The following LRRTM4 variants were observed in gnomAD, a reference collection of about 807,000 sequenced individuals.
LRRTM4 encodes leucine-rich repeat transmembrane neuronal protein 4.
LRRTM4 carries 25 observed loss-of-function variants against 47.6 expected under a neutral mutation model. That is an observed-to-expected ratio of 0.53 (90% CI 0.38 to 0.73). The LOEUF is 0.73. Among genes scored for constraint, LRRTM4 ranks in the 30% least tolerant of loss-of-function variants. The pLI, the probability that LRRTM4 is intolerant of heterozygous loss-of-function variation, is 0.00. For synonymous variants in LRRTM4, 311 were observed against 269.5 expected, an observed-to-expected ratio of 1.15 and a Z score of -1.51; for missense variants, 638 against 713.4, an observed-to-expected ratio of 0.89 and a Z score of 1.20.
At chr2:76,769,109 A>G (rs936625785) in intron 3 of LRRTM4, among the ~76,000 whole-genome samples, 5 of 152,174 alleles carry the variant, frequency 3.3e-5, no homozygotes, top group East Asian at 1.9e-4. Context: ...GGGGCTATAA[A>G]GAATGTATTT....
chr2:77,040,960 A>G (rs1679009025), intron 3 of LRRTM4, among the ~76,000 whole-genome samples: 1 of 151,424 alleles, frequency 6.6e-6, no homozygotes, highest in Admixed American at 6.6e-5. Flanking sequence ...TATTGTAGCT[A>G]TTTTGAAATA....
chr2:77,441,393 G>A lies in LRRTM4; in HGVS notation c.1551+76925C>T, dbSNP rs186131640. Among the ~76,000 whole-genome samples, 8 of 152,232 alleles carry A rather than the reference G, an allele frequency of 5.3e-5. No individual in the cohort carries two copies. The East Asian group carries it at 1.2e-3, about 22-fold the overall frequency. ...GGATGCTTACTGTTTTCCAGGTGTC[G>A]TGCCAAGCACTTTAAGTATATTTCC... On this transcript the variant is annotated intron_variant, in intron 3 of 3. Coordinates refer to ENST00000409884, the MANE Select transcript of LRRTM4 (RefSeq NM_001134745.3).
intron 3 of LRRTM4, among the ~76,000 whole-genome samples, chr2:77,105,643 AAAACTT>A: frequency 6.6e-6 from 1 of 152,318 alleles, no homozygotes; most frequent in South Asian, 2.1e-4. Flanking sequence ...CATGTACCCT[AAAACTT>A]AAAGTATAAT....
At chr2:77,027,981 T>TA (rs11368002) in intron 3 of LRRTM4, among the ~76,000 whole-genome samples, 18,574 of 149,516 alleles carry the variant, frequency 0.12, 1,397 homozygotes, top group Admixed American at 0.19. Flanking sequence ...GTTTACAAAT[T>TA]AAAAAAAAAA....
intron 3 of LRRTM4, among the ~76,000 whole-genome samples, chr2:77,020,596 C>G (rs1224497167): frequency 8.3e-6 from 1 of 120,860 alleles, no homozygotes; most frequent in African/African-American, 4.1e-5. Context: ...ATTACACACT[C>G]TCAATGTTTT....
Position 77,219,460 on chromosome 2 carries a change from A to C in LRRTM4, c.1551+298858T>G, listed in dbSNP as rs1034957403. Among the ~76,000 whole-genome samples, 62 of 152,170 alleles carry C rather than the reference A, an allele frequency of 4.1e-4. 1 individual carries two copies. The highest frequency in any genetic ancestry group is 1.5e-3 in the African/African-American group (62 of 41,446). On this transcript the variant is annotated intron_variant, in intron 3 of 3. Transcript: ENST00000409884. ...CACTCCTTCATATCAGGAAACATAC[A>C]GGAAAAAAAACAGAAACACGATTTA...
chr2:77,033,900 A>T (rs1422734931), intron 3 of LRRTM4, among the ~76,000 whole-genome samples: 1 of 151,894 alleles, frequency 6.6e-6, no homozygotes, highest in East Asian at 1.9e-4. Context: ...AGATCATAAT[A>T]GTTTTATATG....
intron 3 of LRRTM4, among the ~76,000 whole-genome samples, chr2:77,205,383 G>A (rs771997360): frequency 2.6e-5 from 4 of 152,124 alleles, no homozygotes; most frequent in Non-Finnish European, 5.9e-5. Context: ...TAATGACTGG[G>A]GTTTTCTTCA....
At chr2:76,978,119 C>CCCTCT (rs757690632) in intron 3 of LRRTM4, among the ~76,000 whole-genome samples, 1 of 151,926 alleles carries the variant, frequency 6.6e-6, no homozygotes, top group Non-Finnish European at 1.5e-5. Flanking sequence ...AAAACATTTG[C>CCCTCT]CCTCTCATAG....
chr2:76,854,128 G>T (rs184674975), intron 3 of LRRTM4, among the ~76,000 whole-genome samples: 102 of 152,166 alleles, frequency 6.7e-4, no homozygotes, highest in African/African-American at 2.4e-3. Flanking sequence ...GTTCAGAAAT[G>T]CAATTACATT....
intron 3 of LRRTM4, among the ~76,000 whole-genome samples, chr2:77,073,267 T>C (rs1428775402): frequency 1.3e-5 from 2 of 152,058 alleles, no homozygotes; most frequent in African/African-American, 2.4e-5. Context: ...CATTTTAAAA[T>C]ATTACTTTAG....
At chr2:77,263,030 G>GTT (rs1675960472) in intron 3 of LRRTM4, among the ~76,000 whole-genome samples, 4 of 152,088 alleles carry the variant, frequency 2.6e-5, no homozygotes, top group African/African-American at 7.2e-5. Context: ...ACAATTTTCA[G>GTT]CTCCATCCTC....
At chr2:77,340,763 C>T (rs1026296615) in intron 3 of LRRTM4, among the ~76,000 whole-genome samples, 1 of 151,876 alleles carries the variant, frequency 6.6e-6, no homozygotes, top group Non-Finnish European at 1.5e-5. Flanking sequence ...TTTCAATATT[C>T]TTTTCAGGCA....
chr2:77,175,518 T>TA (rs1298173646), intron 3 of LRRTM4, among the ~76,000 whole-genome samples: 2 of 152,218 alleles, frequency 1.3e-5, no homozygotes, highest in African/African-American at 2.4e-5. Context: ...TATCTTGAGT[T>TA]AAAAGAACCT....
chr2:77,129,392 G>T (rs1300618300), intron 3 of LRRTM4, among the ~76,000 whole-genome samples: 2 of 152,164 alleles, frequency 1.3e-5, no homozygotes, highest in Non-Finnish European at 2.9e-5. Context: ...CCTCCAAAAA[G>T]TTCTACTAAT....
chr2:76,836,474 T>C (rs1327819170), intron 3 of LRRTM4, among the ~76,000 whole-genome samples: 1 of 152,004 alleles, frequency 6.6e-6, no homozygotes, highest in Non-Finnish European at 1.5e-5. Context: ...ATTTCTCACC[T>C]TCGTTTTCTT....
Position 76,894,497 on chromosome 2 carries a change from T to C in LRRTM4, c.1552-145581A>G, listed in dbSNP as rs1291330023. Among the ~76,000 whole-genome samples, 8 of 152,190 alleles carry C rather than the reference T, an allele frequency of 5.3e-5. No individual in the cohort carries two copies. The East Asian group carries it at 1.4e-3, about 26-fold the overall frequency. ...TTGTAATCACTTGAAACTTTCACAC[T>C]GTTAGGTGGCTACGATAGCCAAAAA... is the stretch of plus-strand genomic sequence containing the variant. On this transcript the variant is annotated intron_variant, in intron 3 of 3. Coordinates refer to ENST00000409884, the MANE Select transcript of LRRTM4 (RefSeq NM_001134745.3).
rs1295138774 is a variant in LRRTM4, at chr2:76,799,401, AC to A, written c.1552-50486del. ...AAAAGGCCTTTGACAAAATTCAACA[AC>A]CCTTCATGCTAAAAACTCTCAATAA... On this transcript the variant is annotated intron_variant, in intron 3 of 3. Coordinates refer to ENST00000409884, the MANE Select transcript of LRRTM4 (RefSeq NM_001134745.3). 1.7e-5 allele frequency among the ~76,000 whole-genome samples: 2 copies of A among 120,290 alleles called. 1 individual carries two copies. The highest frequency in any genetic ancestry group is 6.1e-4 in the East Asian group (2 of 3,302). The allele number at this position is 120,290 out of a possible 152,430, so 78.9% of individuals were successfully genotyped here. A position where few individuals can be genotyped will look rare whatever the true frequency, so the allele number is the denominator to read the frequency against.
chr2:77,023,339 C>G (rs1263007252), intron 3 of LRRTM4, among the ~76,000 whole-genome samples: 1 of 152,158 alleles, frequency 6.6e-6, no homozygotes, highest in Non-Finnish European at 1.5e-5. Context: ...CTCTTGATAC[C>G]CTGGAGACAT....
Sources: allele counts gnomAD v4.1 joint callset (sites outside exome capture counted in the v4.1 genomes callset), GRCh38; gene constraint gnomAD v4.1.1; transcripts MANE v1.5; gene names NCBI Gene and HGNC (gene_info 2026-07-23, HGNC 2026-07-21).